ULK4: variants seen among roughly 807,000 people sequenced by gnomAD.
The protein encoded by ULK4 is inactive serine/threonine-protein kinase ULK4.
Under a neutral mutation model 160.6 loss-of-function variants are expected in ULK4, and 133 were observed. The observed-to-expected ratio is 0.83, with a 90% CI of 0.72 to 0.96. The LOEUF (loss-of-function observed/expected upper bound fraction) is 0.96. Ranked by LOEUF, ULK4 falls within the 40% of genes least tolerant of loss-of-function variation. ULK4 has a pLI of 0.00. For missense variants in ULK4, 1,580 were observed against 1,499.5 expected (o/e 1.05, Z -0.89); for synonymous variants, 534 against 539.8 (o/e 0.99, Z 0.15).
rs1326678860 is a variant in ULK4 at position 41,318,094 on chromosome 3, TTTATC to T, written c.3679-68525_3679-68521del. On this transcript the variant is annotated intron_variant, in intron 35 of 36. Transcript: ENST00000301831. ...TAAAGGCAAAAGTTGCTCTCAACTC[TTTATC>T]TTATCTCTTGAGAAAATCCTAATGG... 3.9e-5 allele frequency among the ~76,000 whole-genome samples: 6 copies of T among 152,054 alleles called. No homozygotes were observed. In the South Asian group the frequency reaches 1.0e-3, roughly 26 times the overall value.
chr3:41,480,795 G>A (rs1351906015), intron 32 of ULK4, among the ~76,000 whole-genome samples: 5 of 152,192 alleles, frequency 3.3e-5, no homozygotes, highest in African/African-American at 1.2e-4. Flanking sequence ...CATGGTGGAA[G>A]GGGAAGCAAA....
At chr3:41,469,857 G>C (rs2125885354) in intron 32 of ULK4, among the ~76,000 whole-genome samples, 1 of 150,500 alleles carries the variant, frequency 6.6e-6, no homozygotes, top group South Asian at 2.1e-4. Flanking sequence ...TCACACTGAA[G>C]AATCAGTGAA....
At chr3:41,827,284 G>C (rs1040960792) in intron 18 of ULK4, among the ~76,000 whole-genome samples, 5 of 150,524 alleles carry the variant, frequency 3.3e-5, no homozygotes, top group African/African-American at 1.2e-4. Context: ...TCAACAGCTA[G>C]CAGAAGGCAA....
At chr3:41,805,837 C>CT (rs1262031872) in intron 19 of ULK4, among the ~76,000 whole-genome samples, 1 of 146,176 alleles carries the variant, frequency 6.8e-6, no homozygotes, top group Admixed American at 6.8e-5. Flanking sequence ...ATGAAGCCCA[C>CT]TTGATCATGG....
intron 12 of ULK4, among the ~76,000 whole-genome samples, chr3:41,903,588 GAAA>G (rs71075493): frequency 7.2e-6 from 1 of 138,174 alleles, no homozygotes; most frequent in Non-Finnish European, 1.6e-5. Flanking sequence ...CTGTCTCAAA[GAAA>G]AAAAAAAAAA....
intron 30 of ULK4, among the ~76,000 whole-genome samples, chr3:41,620,701 G>A (rs966970133): frequency 8.6e-5 from 13 of 152,008 alleles, no homozygotes; most frequent in Non-Finnish European, 7.4e-5. Context: ...TTTGAAAACC[G>A]GCACAAGACA....
chr3:41,378,554 T>C (rs911568818), intron 35 of ULK4, among the ~76,000 whole-genome samples: 6 of 151,196 alleles, frequency 4.0e-5, no homozygotes, highest in Admixed American at 6.6e-5. Flanking sequence ...GCACCACATG[T>C]TCTCACTCAT....
At chr3:41,886,079 A>T (rs748886525) in intron 16 of ULK4, among the ~76,000 whole-genome samples, 9 of 152,182 alleles carry the variant, frequency 5.9e-5, no homozygotes, top group Non-Finnish European at 1.3e-4. Flanking sequence ...GTTACCTCAT[A>T]AGTAGGACCA....
intron 18 of ULK4, among the ~76,000 whole-genome samples, chr3:41,826,151 T>G (rs35475272): frequency 1.3e-5 from 2 of 151,926 alleles, no homozygotes; most frequent in African/African-American, 4.8e-5. Flanking sequence ...CAAGAGCTCC[T>G]GAAGGAAGCA....
rs774082510 is a variant in ULK4 at position 41,896,930 on chromosome 3, G to A, written c.1422C>T (p.Ser474=). The A allele has an allele frequency of 5.0e-6, 8 of 1,613,468 alleles. No homozygotes were observed. Among genetic ancestry groups the A allele is most frequent in the Non-Finnish European group, 5.9e-6 (7 of 1,179,894 alleles). ...GGGAGGCCCCCATGCTCTTCTCAGTGGAGTCGATCTGCGAGCACACTTGTT... is the reference window on the plus strand; with the variant it reads ...GGGAGGCCCCCATGCTCTTCTCAGTAGAGTCGATCTGCGAGCACACTTGTT... The part of the protein sequence containing the change: ...FLQQVCSQID[S]TEKSMGASRA... Residue 474 remains serine (S), a synonymous_variant, in exon 15 of 37, where the codon TCC becomes TCT. Transcript: ENST00000301831.
chr3:41,890,220 A>T (rs1233861960), intron 16 of ULK4, among the ~76,000 whole-genome samples: 8 of 152,228 alleles, frequency 5.3e-5, no homozygotes, highest in Non-Finnish European at 1.0e-4. Flanking sequence ...GGTGAATTTT[A>T]TGGTATGTGA....
chr3:41,476,092 C>T (rs944196570), intron 32 of ULK4, among the ~76,000 whole-genome samples: 3 of 150,798 alleles, frequency 2.0e-5, no homozygotes, highest in Admixed American at 2.0e-4. Context: ...GGAGGGAGGG[C>T]AAGCAGGAAG....
At chr3:41,378,459 A>G (rs1194359936) in intron 35 of ULK4, among the ~76,000 whole-genome samples, 4 of 152,258 alleles carry the variant, frequency 2.6e-5, no homozygotes, top group Admixed American at 2.0e-4. Context: ...GCCATAAAAA[A>G]GGATGAGTTC....
chr3:41,721,255 ATTTTTTTTT>A (rs67078042), intron 22 of ULK4, among the ~76,000 whole-genome samples: 53 of 45,044 alleles, frequency 1.2e-3, no homozygotes, highest in African/African-American at 4.3e-3. Flanking sequence ...TTCGCTTTGA[ATTTTTTTTT>A]TTTTTTTTTT....
intron 21 of ULK4, among the ~76,000 whole-genome samples, chr3:41,784,047 T>C (rs2039930273): frequency 6.6e-6 from 1 of 152,178 alleles, no homozygotes; most frequent in African/African-American, 2.4e-5. Flanking sequence ...TGGTCAGTCA[T>C]TCAAGCATCT....
At chr3:41,497,938 GA>G (rs2085049606) in intron 32 of ULK4, among the ~76,000 whole-genome samples, 1 of 152,038 alleles carries the variant, frequency 6.6e-6, no homozygotes, top group South Asian at 2.1e-4. Context: ...TAATTAGATA[GA>G]AAAACCCATC....
At chr3:41,495,409 C>T (rs934059004) in intron 32 of ULK4, among the ~76,000 whole-genome samples, 24 of 151,850 alleles carry the variant, frequency 1.6e-4, no homozygotes, top group Non-Finnish European at 3.4e-4. Context: ...CTTCCTTACA[C>T]CTTACACAAA....
chr3:41,734,005 T>C (rs1382199820), intron 22 of ULK4, among the ~76,000 whole-genome samples: 2 of 152,010 alleles, frequency 1.3e-5, no homozygotes, highest in Non-Finnish European at 2.9e-5. Flanking sequence ...CCAAAGTGCT[T>C]AGGATTACAG....
chr3:41,368,766 AT>A (rs2081303204), intron 35 of ULK4, among the ~76,000 whole-genome samples: 1 of 152,138 alleles, frequency 6.6e-6, no homozygotes, highest in Non-Finnish European at 1.5e-5. Flanking sequence ...GGTATACCAC[AT>A]TTTATTTATT....
Sources: allele counts gnomAD v4.1 joint callset (sites outside exome capture counted in the v4.1 genomes callset), GRCh38; gene constraint gnomAD v4.1.1; transcripts MANE v1.5; gene names NCBI Gene and HGNC (gene_info 2026-07-23, HGNC 2026-07-21).